The following INPP5A variants were observed in gnomAD, a reference collection of about 807,000 sequenced individuals.
The protein encoded by INPP5A is inositol polyphosphate-5-phosphatase A, also known as 43 kDa inositol polyphosphate 5-phophatase.
A neutral mutation model predicts 65.2 loss-of-function variants in INPP5A; 14 were observed. The ratio of observed to expected loss-of-function variants is 0.21; its 90% confidence interval spans 0.14 to 0.34. The LOEUF is 0.34. Ranked by LOEUF, INPP5A falls within the 10% of genes least tolerant of loss-of-function variation. The pLI, the probability that INPP5A is intolerant of heterozygous loss-of-function variation, is 1.00. For synonymous variants in INPP5A, 207 were observed against 208.3 expected (o/e 0.99, Z 0.05); for missense variants, 431 against 545.6 (o/e 0.79, Z 2.09).
intron 1 of INPP5A, among the ~76,000 whole-genome samples, chr10:132,604,193 G>A (rs1228455041): frequency 1.3e-4 from 16 of 124,376 alleles, no homozygotes; most frequent in East Asian, 4.9e-4. Context: ...CCTCTCTGGC[G>A]TACCCTGTGC....
intron 1 of INPP5A, among the ~76,000 whole-genome samples, chr10:132,601,285 A>G (rs2071774071): frequency 6.6e-6 from 1 of 152,212 alleles, no homozygotes; most frequent in Non-Finnish European, 1.5e-5. Context: ...GTGCACGTTG[A>G]CCATTTCATA....
chr10:132,655,587 A>G (rs2072645324), intron 4 of INPP5A, among the ~76,000 whole-genome samples: 2 of 152,150 alleles, frequency 1.3e-5, no homozygotes, highest in African/African-American at 4.8e-5. Flanking sequence ...CGCTTCCAAG[A>G]GGGTTCTGTG....
At chr10:132,743,813 C>T (rs937243686) in intron 9 of INPP5A, among the ~76,000 whole-genome samples, 1 of 152,168 alleles carries the variant, frequency 6.6e-6, no homozygotes, top group African/African-American at 2.4e-5. Context: ...GGGGTGCACA[C>T]GTGTGCTGAG....
rs2134582907 is a variant in INPP5A at position 132,727,206 on chromosome 10, C to T, written c.732+301C>T. The T allele has an allele frequency of 3.5e-6, 1 of 285,340 alleles. No homozygotes were observed. The allele number at this position is 285,340 out of a possible 1,614,324, so 17.7% of individuals were successfully genotyped here. ...GAGCTGCTGGAGTGCCGTCACAGCG[C>T]CACCCCCTCGATGCCCACAGAGCTG... On this transcript the variant is annotated intron_variant, in intron 9 of 15. Coordinates refer to ENST00000368594, the MANE Select transcript of INPP5A (RefSeq NM_005539.5). This position sits in a 1 kb window ranked among gnomAD's most constrained non-coding sequence, Gnocchi z 6.5.
At chr10:132,660,800 A>G (rs1163419942) in intron 4 of INPP5A, among the ~76,000 whole-genome samples, 1 of 152,200 alleles carries the variant, frequency 6.6e-6, no homozygotes, top group South Asian at 2.1e-4. Flanking sequence ...AGAAGGGACA[A>G]GTGTGTTGTT....
At chr10:132,750,083 G>A (rs1348840207) in intron 11 of INPP5A, among the ~76,000 whole-genome samples, 2 of 152,350 alleles carry the variant, frequency 1.3e-5, no homozygotes, top group East Asian at 3.9e-4. Flanking sequence ...CATGACACTC[G>A]ACCCATCAGC....
intron 11 of INPP5A, among the ~76,000 whole-genome samples, chr10:132,752,043 G>A (rs543859388): frequency 3.4e-5 from 5 of 147,240 alleles, no homozygotes; most frequent in South Asian, 2.2e-4. Context: ...AAGCGTCTGC[G>A]TGAAGGGGGG....
intron 1 of INPP5A, among the ~76,000 whole-genome samples, chr10:132,601,233 T>C (rs1317883230): frequency 6.6e-6 from 1 of 152,250 alleles, no homozygotes; most frequent in African/African-American, 2.4e-5. Context: ...TGGTTTTCAT[T>C]TGCATTTCCT....
chr10:132,606,536 C>G (rs969992145), intron 1 of INPP5A, among the ~76,000 whole-genome samples: 49 of 152,204 alleles, frequency 3.2e-4, no homozygotes, highest in Non-Finnish European at 6.2e-4. Context: ...TCGGCTCGGT[C>G]CTGTGATCTG....
chr10:132,733,112 C>T (rs1339526384), intron 9 of INPP5A, among the ~76,000 whole-genome samples: 1 of 152,224 alleles, frequency 6.6e-6, no homozygotes, highest in African/African-American at 2.4e-5. Context: ...CGCATCACCT[C>T]CGTCTGCGCC....
rs1375311722 is a variant in INPP5A at position 132,627,108 on chromosome 10, A to G, written c.118-18760A>G. On this transcript the variant is annotated intron_variant, in intron 2 of 15. Coordinates refer to ENST00000368594, the MANE Select transcript of INPP5A (RefSeq NM_005539.5). This position sits in a 1 kb window ranked among gnomAD's most constrained non-coding sequence, Gnocchi z 6.6. Reference sequence around the variant, plus strand: ...AGGGACACGGGATCAGGCTCTCTCCACAGGGCGCAGAGGCAGCTCTGTGAG... The same window carrying G: ...AGGGACACGGGATCAGGCTCTCTCCGCAGGGCGCAGAGGCAGCTCTGTGAG... Among the ~76,000 whole-genome samples, 1 of 152,138 alleles carries G rather than the reference A, an allele frequency of 6.6e-6. No homozygotes were observed. Among genetic ancestry groups the G allele is most frequent in the Non-Finnish European group, 1.5e-5 (1 of 68,016 alleles).
At chr10:132,664,172 C>G (rs1041088206) in intron 4 of INPP5A, among the ~76,000 whole-genome samples, 1 of 152,202 alleles carries the variant, frequency 6.6e-6, no homozygotes, top group Non-Finnish European at 1.5e-5. Flanking sequence ...CTTCCGGAGC[C>G]CCGTGAGCTG....
rs762077339 is a variant in INPP5A, at chr10:132,607,900, C to T, written c.76-15C>T. The T allele has an allele frequency of 6.2e-7, 1 of 1,606,700 alleles. No homozygotes were observed. The highest frequency in any genetic ancestry group is 1.7e-5 in the Admixed American group (1 of 60,014). On this transcript the variant is annotated splice_polypyrimidine_tract_variant and intron_variant, in intron 1 of 15. Transcript: ENST00000368594. ...ATTGGTCTGACTGGCTTTTCTTTTTCTTCTTAATTTACAGCCAGAAAACCT... is the reference window on the plus strand; with the variant it reads ...ATTGGTCTGACTGGCTTTTCTTTTTTTTCTTAATTTACAGCCAGAAAACCT...
Position 132,690,489 on chromosome 10 carries a change from T to C in INPP5A, c.370+34T>C, listed in dbSNP as rs761017944. The C allele has an allele frequency of 2.6e-6, 4 of 1,523,496 alleles. No homozygotes were observed. In the Admixed American group the frequency reaches 6.7e-5, roughly 25 times the overall value. The allele number at this position is 1,523,496 out of a possible 1,614,324, so 94.4% of individuals were successfully genotyped here. On this transcript the variant is annotated intron_variant, in intron 5 of 15. Coordinates refer to ENST00000368594, the MANE Select transcript of INPP5A (RefSeq NM_005539.5). ...GCGTGCCGTCTTCCGGGATTTTGTC[T>C]CGGCACTCACCCCTCCTGGTGTCTG...
At chr10:132,673,897 G>C (rs1013984288) in intron 4 of INPP5A, among the ~76,000 whole-genome samples, 5 of 152,238 alleles carry the variant, frequency 3.3e-5, no homozygotes, top group African/African-American at 4.8e-5. Flanking sequence ...CTCTGCTGCT[G>C]GCAAATTGGG....
Position 132,749,819 on chromosome 10 carries a change from G to T in INPP5A, c.877G>T (p.Val293Phe). 1 of 1,613,264 alleles carries T rather than the reference G, an allele frequency of 6.2e-7. No individual in the cohort carries two copies. Among genetic ancestry groups the T allele is most frequent in the Admixed American group, 1.7e-5 (1 of 60,030 alleles). Residue 293 changes from valine to phenylalanine, a missense_variant, in exon 11 of 16, where the codon GTT (valine) becomes TTT (phenylalanine). Coordinates refer to ENST00000368594, the MANE Select transcript of INPP5A (RefSeq NM_005539.5). ...ACTCTTCGACTACTTCAACCAGGAG[G>T]TTTTCCGAGACAACAACGGCACCGC... is the stretch of plus-strand genomic sequence containing the variant. ...KKLFDYFNQEVFRDNNGTALL... is the reference protein window; with the variant it reads ...KKLFDYFNQEFFRDNNGTALL...
chr10:132,720,459 G>A (rs187916458), intron 8 of INPP5A, among the ~76,000 whole-genome samples: 4,118 of 150,790 alleles, frequency 0.027, 26 homozygotes, highest in Non-Finnish European at 0.042. Flanking sequence ...TGTCTTCAGG[G>A]TTCTGTGGTA....
chr10:132,765,804 T>C lies in INPP5A; in HGVS notation c.935T>C (p.Phe312Ser), dbSNP rs748802952. The change falls in exon 12 of 16, where the codon TTT becomes TCT. Residue 312 changes from phenylalanine to serine, a missense_variant. Transcript: ENST00000368594. ...GAGTTTGACAAGGAGTTGTCTGTCT[T>C]TAAGGACAGACTGTATGAACTGGAC... is the stretch of plus-strand genomic sequence containing the variant. The part of the protein sequence containing the change: ...LLEFDKELSV[F>S]KDRLYELDIS... 4.4e-6 allele frequency: 7 copies of C among 1,606,958 alleles called. No individual in the cohort carries two copies. Among genetic ancestry groups the C allele is most frequent in the South Asian group, 2.2e-5 (2 of 90,934 alleles).
chr10:132,753,441 C>T lies in INPP5A; in HGVS notation c.903+3596C>T, dbSNP rs995006400. Among the ~76,000 whole-genome samples, 2 of 152,146 alleles carry T rather than the reference C, an allele frequency of 1.3e-5. No homozygotes were observed. Among genetic ancestry groups the T allele is most frequent in the African/African-American group, 4.8e-5 (2 of 41,418 alleles). ...GACAGAAATTTAATTCAGGCTGGCTCCTGAAAATAATTATTGTATTTTAAG... is the reference window on the plus strand; with the variant it reads ...GACAGAAATTTAATTCAGGCTGGCTTCTGAAAATAATTATTGTATTTTAAG... On this transcript the variant is annotated intron_variant, in intron 11 of 15. Coordinates refer to ENST00000368594, the MANE Select transcript of INPP5A (RefSeq NM_005539.5). The surrounding 1 kb of genome is among the most constrained non-coding windows in gnomAD (Gnocchi z 5.3).
Sources: gnomAD v4.1 joint callset for allele counts (sites outside exome capture counted in the v4.1 genomes callset) on GRCh38, gnomAD v4.1.1 for gene constraint, Gnocchi (gnomAD v3.1) non-coding constraint, MANE v1.5 for transcripts, NCBI Gene and HGNC (gene_info 2026-07-23, HGNC 2026-07-21) for gene names.